Variants in UQCC1 observed in about 807,000 individuals in gnomAD.
UQCC1 encodes ubiquinol-cytochrome c reductase complex assembly factor 1, also known as bFGF-repressed Zic-binding protein.
A neutral mutation model predicts 48.0 loss-of-function variants in UQCC1; 38 were observed. The observed-to-expected ratio is 0.79, with a 90% CI of 0.61 to 1.04. The LOEUF (loss-of-function observed/expected upper bound fraction) is 1.04. Among genes scored for constraint, UQCC1 ranks in the 50% least tolerant of loss-of-function variants. UQCC1 has a pLI of 0.00. For missense variants in UQCC1, 368 were observed against 381.8 expected, an observed-to-expected ratio of 0.96 and a Z score of 0.30; for synonymous variants, 111 against 129.2, an observed-to-expected ratio of 0.86 and a Z score of 0.95.
intron 6 of UQCC1, among the ~76,000 whole-genome samples, chr20:35,356,523 T>C (rs2061548966): frequency 6.6e-6 from 1 of 152,236 alleles, no homozygotes; most frequent in Non-Finnish European, 1.5e-5. Flanking sequence ...CCAGGCACTA[T>C]GCCAAGTGAT....
intron 7 of UQCC1, among the ~76,000 whole-genome samples, chr20:35,340,699 ATACCTTTTAAT>A (rs1362609874): frequency 6.6e-6 from 1 of 152,186 alleles, no homozygotes; most frequent in Non-Finnish European, 1.5e-5. Context: ...CAGGCTAACT[ATACCTTTTAAT>A]GTGCTCCTTG....
chr20:35,362,312 C>T (rs2061615054), intron 6 of UQCC1, among the ~76,000 whole-genome samples: 1 of 152,058 alleles, frequency 6.6e-6, no homozygotes, highest in African/African-American at 2.4e-5. Flanking sequence ...GTAAAGGCAC[C>T]ATAGGTCACA....
chr20:35,360,877 C>G (rs1277362363), intron 6 of UQCC1, among the ~76,000 whole-genome samples: 4 of 152,074 alleles, frequency 2.6e-5, no homozygotes. Context: ...GACCCCTATC[C>G]CCTGACCACC....
At chr20:35,373,817 T>C (rs1027351258) in intron 5 of UQCC1, among the ~76,000 whole-genome samples, 1 of 152,216 alleles carries the variant, frequency 6.6e-6, no homozygotes, top group Admixed American at 6.5e-5. Context: ...TGTTTGTTTT[T>C]TCAAAATAAG....
intron 6 of UQCC1, among the ~76,000 whole-genome samples, chr20:35,358,558 T>C (rs2061572733): frequency 6.6e-6 from 1 of 152,160 alleles, no homozygotes; most frequent in South Asian, 2.1e-4. Context: ...CTACTCTGTT[T>C]AGGATCAAAC....
intron 6 of UQCC1, among the ~76,000 whole-genome samples, chr20:35,350,323 GACA>G (rs2061476988): frequency 6.6e-6 from 1 of 152,100 alleles, no homozygotes; most frequent in Non-Finnish European, 1.5e-5. Flanking sequence ...TAATCAAACT[GACA>G]ACCTCAAAAA....
rs369798890 is a variant in UQCC1, at chr20:35,359,037, A to C, written c.464+7520T>G. On this transcript the variant is annotated intron_variant, in intron 6 of 9. Transcript: ENST00000374385. ...AAGGAGTGTTCAAACCTGGCGTGCA[A>C]ATATCTCTAAAAGGCAAGCATGGAG... 5.3e-5 allele frequency among the ~76,000 whole-genome samples: 8 copies of C among 152,166 alleles called. No individual in the cohort carries two copies. The East Asian group carries it at 1.5e-3, about 29-fold the overall frequency.
chr20:35,344,297 G>C (rs2061410556), intron 7 of UQCC1: 1 of 152,340 alleles, frequency 6.6e-6, no homozygotes, highest in Admixed American at 6.5e-5. Context: ...GTGATGAAGA[G>C]AGATGGAGGT....
intron 8 of UQCC1, 65 bp downstream of exon 8, chr20:35,314,623 C>G (rs943202611): frequency 2.2e-6 from 3 of 1,391,690 alleles, no homozygotes; most frequent in African/African-American, 1.4e-5. Context: ...CCCTCAGAGG[C>G]TCTCATCAAA....
intron 5 of UQCC1, among the ~76,000 whole-genome samples, chr20:35,368,000 T>C (rs2061688849): frequency 6.6e-6 from 1 of 152,058 alleles, no homozygotes; most frequent in Admixed American, 6.6e-5. Flanking sequence ...ATGAGGGGTC[T>C]CCCACTGAAT....
At chr20:35,383,939 G>A (rs1240275976) in intron 3 of UQCC1, 99 bp downstream of exon 3, 2 of 973,350 alleles carry the variant, frequency 2.1e-6, no homozygotes, top group Non-Finnish European at 3.1e-6. Context: ...CTCACCTTCT[G>A]CATTCGCTAA....
At chr20:35,323,014 A>T (rs2061148977) in intron 7 of UQCC1, among the ~76,000 whole-genome samples, 1 of 151,846 alleles carries the variant, frequency 6.6e-6, no homozygotes, top group Non-Finnish European at 1.5e-5. Flanking sequence ...TGCCCGGCTA[A>T]TTTTTTGTAT....
chr20:35,335,904 G>A (rs1193610800), intron 7 of UQCC1, among the ~76,000 whole-genome samples: 6 of 152,206 alleles, frequency 3.9e-5, no homozygotes, highest in African/African-American at 7.2e-5. Context: ...CTGGCTAGGC[G>A]TGGTGGCTTA....
chr20:35,346,228 A>G (rs1343684926), intron 7 of UQCC1: 1 of 152,256 alleles, frequency 6.6e-6, no homozygotes, highest in Non-Finnish European at 1.5e-5. Flanking sequence ...ATAAGGGAAT[A>G]AAAGCTGGCC....
At chr20:35,318,192 C>T (rs2061084227) in intron 7 of UQCC1, among the ~76,000 whole-genome samples, 1 of 152,260 alleles carries the variant, frequency 6.6e-6, no homozygotes, top group South Asian at 2.1e-4. Flanking sequence ...ATGTATCACA[C>T]CATTAAGCTT....
Position 35,394,175 on chromosome 20 carries a change from G to A in UQCC1, c.46C>T (p.Gln16Ter), listed in dbSNP as rs2062046817. The A allele has an allele frequency of 6.2e-7, 1 of 1,613,916 alleles. No homozygotes were observed. Among genetic ancestry groups the A allele is most frequent in the African/African-American group, 1.3e-5 (1 of 74,910 alleles). ...AATCGGCTGCATACTGGAACCCACT[G>A]AGAAATGCTAGTCTGGTTCCTCTAA... is the stretch of plus-strand genomic sequence containing the variant. The part of the protein sequence containing the change: ...RVLRNQTSIS[Q>*]WVPVCSRLIP... Residue 16 changes from glutamine (Q) to a stop codon, truncating the protein, a stop_gained, in exon 2 of 10, where the codon CAG becomes TAG. Transcript: ENST00000374385. LOFTEE classifies it high-confidence loss of function.
chr20:35,364,477 T>C (rs2061643071), intron 6 of UQCC1, among the ~76,000 whole-genome samples: 2 of 152,212 alleles, frequency 1.3e-5, no homozygotes, highest in Admixed American at 6.5e-5. Flanking sequence ...ATGCATGTCA[T>C]ACCCTTCTCT....
At chr20:35,319,153 T>C (rs545138898) in intron 7 of UQCC1, among the ~76,000 whole-genome samples, 7 of 152,374 alleles carry the variant, frequency 4.6e-5, no homozygotes, top group Non-Finnish European at 8.8e-5. Context: ...AGATATTTTA[T>C]AAGCCACCAG....
At chr20:35,371,345 T>TC (rs66841862) in intron 5 of UQCC1, among the ~76,000 whole-genome samples, 1 of 31,632 alleles carries the variant, frequency 3.2e-5, no homozygotes, top group Non-Finnish European at 1.1e-4. Context: ...GTTTTTTTTG[T>TC]TTTTTTTTTT....
Sources: allele counts gnomAD v4.1 joint callset (sites outside exome capture counted in the v4.1 genomes callset), GRCh38; gene constraint gnomAD v4.1.1; transcripts MANE v1.5; gene names NCBI Gene and HGNC (gene_info 2026-07-23, HGNC 2026-07-21).